The following TTC39C variants were observed in gnomAD, a reference collection of about 807,000 sequenced individuals.
TTC39C encodes the protein tetratricopeptide repeat domain 39C.
Under a neutral mutation model 76.3 loss-of-function variants are expected in TTC39C, and 33 were observed. The ratio of observed to expected loss-of-function variants is 0.43; its 90% CI spans 0.33 to 0.58. The LOEUF is 0.58. TTC39C is among the 20% of genes least tolerant of loss of function. TTC39C has a pLI of 0.04. For synonymous variants in TTC39C, 254 were observed against 260.6 expected, an observed-to-expected ratio of 0.97 and a Z score of 0.24; for missense variants, 595 against 701.4, an observed-to-expected ratio of 0.85 and a Z score of 1.71.
chr18:24,046,084 G>T (rs919741859), intron 1 of TTC39C, among the ~76,000 whole-genome samples: 5 of 150,728 alleles, frequency 3.3e-5, no homozygotes, highest in Admixed American at 2.0e-4. Context: ...GACTACAGGC[G>T]CCCGCCACCA....
At chr18:24,042,543 C>A (rs1254315508) in intron 1 of TTC39C, among the ~76,000 whole-genome samples, 1 of 152,192 alleles carries the variant, frequency 6.6e-6, no homozygotes, top group African/African-American at 2.4e-5. Flanking sequence ...CCTAACAGGC[C>A]ATGGACCCTG....
At chr18:24,128,769 A>G in intron 10 of TTC39C, 117 bp from the exon 11 acceptor site, 1 of 743,652 alleles carries the variant, frequency 1.3e-6, no homozygotes, top group Non-Finnish European at 2.2e-6. Flanking sequence ...GAGCAGTTTT[A>G]GGTTCATATC....
intron 1 of TTC39C, chr18:24,016,487 C>T (rs1051155469): frequency 2.6e-6 from 1 of 385,984 alleles, no homozygotes; most frequent in Non-Finnish European, 4.6e-6. Context: ...CAAATTTACC[C>T]TTTTTAGTTG....
intron 10 of TTC39C, among the ~76,000 whole-genome samples, chr18:24,126,020 C>G (rs1157086847): frequency 6.6e-6 from 1 of 152,112 alleles, no homozygotes; most frequent in Non-Finnish European, 1.5e-5. Context: ...AACCCTGTCT[C>G]TACTAAAAAT....
intron 9 of TTC39C, chr18:24,124,315 A>C (rs1248067659): frequency 6.3e-6 from 1 of 158,362 alleles, no homozygotes; most frequent in East Asian, 1.9e-4. Context: ...ATGAATGGAG[A>C]CTATACGTTC....
chr18:24,065,276 G>C (rs532475393), intron 2 of TTC39C, among the ~76,000 whole-genome samples: 1 of 152,338 alleles, frequency 6.6e-6, no homozygotes, highest in African/African-American at 2.4e-5. Flanking sequence ...GATAGGAAAT[G>C]AGGAGTTAGA....
rs146987022 is a variant in TTC39C, at chr18:24,046,331, A to G, written c.168-17809A>G. 1.4e-3 allele frequency among the ~76,000 whole-genome samples: 208 copies of G among 151,826 alleles called. 1 individual carries two copies. Among genetic ancestry groups the G allele is most frequent in the Non-Finnish European group, 2.3e-3 (158 of 68,010 alleles). On this transcript the variant is annotated intron_variant, in intron 1 of 13. Transcript: ENST00000317571. ...CATGATACAGTAACTAGTTTATTGT[A>G]TGTGCCGAGCTTCAGACTAGACATT...
chr18:24,132,053 C>A, intron 13 of TTC39C, 133 bp downstream of exon 13: 2 of 768,204 alleles, frequency 2.6e-6, no homozygotes, highest in South Asian at 2.2e-5. Context: ...AAATGACAAC[C>A]AATTGAATCA....
chr18:24,031,959 A>G (rs1397145057), intron 1 of TTC39C, among the ~76,000 whole-genome samples: 1 of 152,208 alleles, frequency 6.6e-6, no homozygotes, highest in Non-Finnish European at 1.5e-5. Flanking sequence ...TATCCTTATA[A>G]GAGGAAGGCA....
rs986460584 is a variant in TTC39C at position 24,132,571 on chromosome 18, G to A, written c.1749G>A (p.Gln583=). The A allele has an allele frequency of 3.7e-6, 6 of 1,612,958 alleles. No individual in the cohort carries two copies. Among genetic ancestry groups the A allele is most frequent in the Admixed American group, 3.3e-5 (2 of 59,860 alleles). ...ALASLRELVP[Q] Reference sequence around the variant, plus strand: ...CCTCTCTGAGGGAATTGGTTCCTCAGTGACAGACCCGGAACACCCGCTCCG... The same window carrying A: ...CCTCTCTGAGGGAATTGGTTCCTCAATGACAGACCCGGAACACCCGCTCCG... The change falls in exon 14 of 14, where the codon CAG becomes CAA. Residue 583 remains glutamine, a synonymous_variant. Coordinates refer to ENST00000317571, the MANE Select transcript of TTC39C (RefSeq NM_001135993.2).
intron 6 of TTC39C, among the ~76,000 whole-genome samples, chr18:24,103,726 C>T (rs988450822): frequency 6.6e-6 from 1 of 151,484 alleles, no homozygotes; most frequent in Non-Finnish European, 1.5e-5. Context: ...CCTCCTGCCC[C>T]AGTCCCAGCC....
intron 10 of TTC39C, among the ~76,000 whole-genome samples, chr18:24,126,426 T>TAAAA (rs35976434): frequency 9.1e-6 from 1 of 110,064 alleles, no homozygotes; most frequent in East Asian, 2.7e-4. Flanking sequence ...CCTATTTCTT[T>TAAAA]AAAAAAAAAA....
At chr18:24,125,213 G>C (rs1296374117) in intron 9 of TTC39C, among the ~76,000 whole-genome samples, 1 of 152,104 alleles carries the variant, frequency 6.6e-6, no homozygotes, top group East Asian at 1.9e-4. Flanking sequence ...TTTGATAGTA[G>C]GTTCAGTTGA....
upstream of TTC39C, among the ~76,000 whole-genome samples, chr18:24,013,734 A>C (rs114063350): frequency 6.1e-3 from 924 of 152,346 alleles, 5 homozygotes; most frequent in African/African-American, 0.021. Flanking sequence ...GAGAAAAATA[A>C]ATTTGTGGAA....
rs2085188939 is a variant in TTC39C at position 24,135,458 on chromosome 18, C to T, written c.*2884C>T. 1 of 153,230 alleles carries T rather than the reference C, an allele frequency of 6.5e-6. No homozygotes were observed. Among genetic ancestry groups the T allele is most frequent in the South Asian group, 2.1e-4 (1 of 4,832 alleles). The allele number at this position is 153,230 out of a possible 1,614,324, so 9.5% of individuals were successfully genotyped here. A position where few individuals can be genotyped will look rare whatever the true frequency, so the allele number is the denominator to read the frequency against. On this transcript the variant is annotated 3_prime_UTR_variant, in exon 14 of 14. Coordinates refer to ENST00000317571, the MANE Select transcript of TTC39C (RefSeq NM_001135993.2). ...TGAGTACACTGTCCCATTAGGTTGA[C>T]TGAAGTCTGAGTACATTTTCTGGCC...
rs371486318 is a variant in TTC39C, at chr18:24,075,684, C to CAA, written c.461-4883_461-4882dup. Among the ~76,000 whole-genome samples the CAA allele has an allele frequency of 7.5e-3, 482 of 63,900 alleles. 8 individuals carry two copies. Among genetic ancestry groups the CAA allele is most frequent in the Middle Eastern group, 0.025 (3 of 118 alleles). The allele number at this position is 63,900 out of a possible 152,430, so 41.9% of individuals were successfully genotyped here. On this transcript the variant is annotated intron_variant, in intron 4 of 13. Transcript: ENST00000317571. Reference sequence around the variant, plus strand: ...GAGCAATCCAAGTGAGACCTTGTCTCAAAAAAAAAAAAAAAAAAACAAAAA... The same window carrying CAA: ...GAGCAATCCAAGTGAGACCTTGTCTCAAAAAAAAAAAAAAAAAAAAACAAAAA...
chr18:23,996,202 T>A (rs2083259609), intron 1 of TTC39C, among the ~76,000 whole-genome samples: 1 of 152,280 alleles, frequency 6.6e-6, no homozygotes, highest in Non-Finnish European at 1.5e-5. Context: ...GCCATCTGTA[T>A]ATCCTCTTCA....
intron 4 of TTC39C, among the ~76,000 whole-genome samples, chr18:24,077,846 G>C (rs2084325772): frequency 6.6e-6 from 1 of 152,032 alleles, no homozygotes; most frequent in African/African-American, 2.4e-5. Flanking sequence ...TTTCTTGTTT[G>C]TGGACATGCT....
chr18:24,090,180 A>G (rs1263695221), intron 6 of TTC39C, among the ~76,000 whole-genome samples: 1 of 152,148 alleles, frequency 6.6e-6, no homozygotes, highest in Admixed American at 6.5e-5. Flanking sequence ...GTTGTTTCCC[A>G]ATATTTCAAT....
Sources: allele counts gnomAD v4.1 joint callset (sites outside exome capture counted in the v4.1 genomes callset), GRCh38; gene constraint gnomAD v4.1.1; transcripts MANE v1.5; gene names NCBI Gene and HGNC (gene_info 2026-07-23, HGNC 2026-07-21).